TRABD2B: variants seen among roughly 807,000 people sequenced by gnomAD.
TRABD2B encodes metalloprotease TIKI2.
In TRABD2B, 14 loss-of-function variants were observed where a neutral mutation model predicts 40.1. The observed-to-expected ratio is 0.35, with a 90% confidence interval of 0.23 to 0.55. The LOEUF (loss-of-function observed/expected upper bound fraction) is 0.55. Among genes scored for constraint, TRABD2B ranks in the 20% least tolerant of loss-of-function variants. TRABD2B has a pLI of 0.90. For synonymous variants in TRABD2B, 263 were observed against 277.0 expected (o/e 0.95, Z 0.50); for missense variants, 541 against 648.6 (o/e 0.83, Z 1.80).
At chr1:47,884,291 G>A (rs1198204802) in intron 2 of TRABD2B, among the ~76,000 whole-genome samples, 1 of 152,254 alleles carries the variant, frequency 6.6e-6, no homozygotes, top group Non-Finnish European at 1.5e-5. Context: ...AAGAACCAGT[G>A]TGGAATTTTC....
intron 2 of TRABD2B, among the ~76,000 whole-genome samples, chr1:47,834,455 G>A (rs1570080586): frequency 6.6e-6 from 1 of 152,300 alleles, no homozygotes; most frequent in African/African-American, 2.4e-5. Context: ...GGAAAGACCT[G>A]AGAAGGCTCT....
chr1:47,955,538 C>A (rs1036987606), intron 2 of TRABD2B, among the ~76,000 whole-genome samples: 2 of 152,232 alleles, frequency 1.3e-5, no homozygotes, highest in Non-Finnish European at 1.5e-5. Context: ...CCTACAAGCA[C>A]TGACCATCAC....
chr1:47,776,547 A>G (rs926873867), intron 5 of TRABD2B, among the ~76,000 whole-genome samples: 9 of 152,192 alleles, frequency 5.9e-5, no homozygotes, highest in Admixed American at 6.5e-5. Context: ...TGTTTTATAC[A>G]GGGGCATACA....
At chr1:47,895,471 C>T (rs774041851) in intron 2 of TRABD2B, among the ~76,000 whole-genome samples, 3 of 152,136 alleles carry the variant, frequency 2.0e-5, no homozygotes, top group Non-Finnish European at 4.4e-5. Flanking sequence ...CCCCTCCCAC[C>T]ACAGTTAAAG....
chr1:47,963,222 T>A (rs1484490563), intron 2 of TRABD2B, among the ~76,000 whole-genome samples: 1 of 152,178 alleles, frequency 6.6e-6, no homozygotes, highest in African/African-American at 2.4e-5. Flanking sequence ...CACAAATAGG[T>A]GACTTGCAAT....
chr1:47,951,503 G>A (rs576183677), intron 2 of TRABD2B, among the ~76,000 whole-genome samples: 5 of 152,308 alleles, frequency 3.3e-5, no homozygotes, highest in South Asian at 2.1e-4. Context: ...AGGTGGGCCC[G>A]CCTACACTCC....
At chr1:47,805,392 G>T (rs1201672360) in intron 2 of TRABD2B, among the ~76,000 whole-genome samples, 1 of 152,020 alleles carries the variant, frequency 6.6e-6, no homozygotes, top group Non-Finnish European at 1.5e-5. Context: ...CTTCCCATGT[G>T]TCACAGCAGG....
intron 2 of TRABD2B, among the ~76,000 whole-genome samples, chr1:47,815,455 C>T (rs1197810322): frequency 6.6e-6 from 1 of 152,112 alleles, no homozygotes; most frequent in Admixed American, 6.5e-5. Flanking sequence ...AGCTCCCTGC[C>T]CAGAATCTTC....
intron 2 of TRABD2B, among the ~76,000 whole-genome samples, chr1:47,988,813 G>A (rs2148455631): frequency 6.6e-6 from 1 of 152,288 alleles, no homozygotes; most frequent in South Asian, 2.1e-4. Flanking sequence ...GCCTAGAAAG[G>A]GAAAAGGGCT....
intron 2 of TRABD2B, among the ~76,000 whole-genome samples, chr1:47,939,641 A>G (rs1288966652): frequency 2.0e-5 from 3 of 152,136 alleles, no homozygotes; most frequent in Non-Finnish European, 4.4e-5. Flanking sequence ...AGCTCATGAG[A>G]AGCTGGGCTG....
chr1:47,978,546 T>C (rs1392491726), intron 2 of TRABD2B, among the ~76,000 whole-genome samples: 1 of 152,140 alleles, frequency 6.6e-6, no homozygotes, highest in Non-Finnish European at 1.5e-5. Flanking sequence ...CTGGCTGGCA[T>C]TCCCAAAGAT....
At chr1:47,987,704 G>C (rs1312074848) in intron 2 of TRABD2B, among the ~76,000 whole-genome samples, 1 of 152,198 alleles carries the variant, frequency 6.6e-6, no homozygotes, top group Non-Finnish European at 1.5e-5. Context: ...ACAGCCCTCT[G>C]GGCACAGAAA....
chr1:47,955,481 G>T (rs1340052154), intron 2 of TRABD2B, among the ~76,000 whole-genome samples: 2 of 152,114 alleles, frequency 1.3e-5, no homozygotes, highest in African/African-American at 4.8e-5. Flanking sequence ...AGCCTTCAAA[G>T]CTCCCCATTC....
chr1:47,917,211 A>G (rs1208111022), intron 2 of TRABD2B, among the ~76,000 whole-genome samples: 2 of 152,212 alleles, frequency 1.3e-5, no homozygotes, highest in Non-Finnish European at 2.9e-5. Flanking sequence ...CAGGCAGTCC[A>G]GATAGGCCAG....
At chr1:47,970,663 CG>C (rs1304554656) in intron 2 of TRABD2B, among the ~76,000 whole-genome samples, 1 of 152,100 alleles carries the variant, frequency 6.6e-6, no homozygotes, top group Middle Eastern at 3.2e-3. Context: ...GTGGGTCAGC[CG>C]GGGGTTGGTT....
chr1:47,762,284 G>A lies in TRABD2B; in HGVS notation c.*3618C>T, dbSNP rs1017739364. 1 of 152,168 alleles carries A rather than the reference G, an allele frequency of 6.6e-6. No individual in the cohort carries two copies. The highest frequency in any genetic ancestry group is 1.5e-5 in the Non-Finnish European group (1 of 68,058). 9.4% of individuals were successfully genotyped at this position (152,168 alleles called of 1,614,324 possible). A position where few individuals can be genotyped will look rare whatever the true frequency, so the allele number is the denominator to read the frequency against. On this transcript the variant is annotated 3_prime_UTR_variant, in exon 7 of 7. Transcript: ENST00000606738. ...AGGGTTGGGTCACGAAGGGTCTAGC[G>A]GACACTTCAGGGTGAGGCTGAGGAC...
intron 2 of TRABD2B, among the ~76,000 whole-genome samples, chr1:47,831,252 C>T (rs1214636780): frequency 6.6e-6 from 1 of 152,042 alleles, no homozygotes; most frequent in East Asian, 1.9e-4. Context: ...CCCAGAGCCT[C>T]GGTGGGAGAG....
chr1:47,850,378 C>G (rs532229662), intron 2 of TRABD2B, among the ~76,000 whole-genome samples: 99 of 152,362 alleles, frequency 6.5e-4, no homozygotes, highest in Middle Eastern at 3.4e-3. Context: ...CTGTCAGAAA[C>G]TGAGGAAAGG....
Position 47,994,732 on chromosome 1 carries a change from G to C in TRABD2B, c.103-135C>G, listed in dbSNP as rs1646065967. 1.3e-6 allele frequency: 1 copy of C among 762,032 alleles called. No homozygotes were observed. The highest frequency in any genetic ancestry group is 1.8e-5 in the African/African-American group (1 of 56,810). 47.2% of individuals were successfully genotyped at this position (762,032 alleles called of 1,614,324 possible). On this transcript the variant is annotated intron_variant, in intron 1 of 6. Transcript: ENST00000606738. The surrounding 1 kb of genome is among the most constrained non-coding windows in gnomAD (Gnocchi z 6.7). Reference sequence around the variant, plus strand: ...TACACAGGCCGTGGTAAAGAGCCAGGTCTTTGGAGCCTGAAAGACCCACAT... The same window carrying C: ...TACACAGGCCGTGGTAAAGAGCCAGCTCTTTGGAGCCTGAAAGACCCACAT...
Sources: allele counts gnomAD v4.1 joint callset (sites outside exome capture counted in the v4.1 genomes callset), GRCh38; gene constraint gnomAD v4.1.1; non-coding constraint Gnocchi (gnomAD v3.1); transcripts MANE v1.5; gene names NCBI Gene and HGNC (gene_info 2026-07-23, HGNC 2026-07-21).